Variants in GRIN2B observed in about 807,000 individuals in gnomAD.
The protein encoded by GRIN2B is glutamate ionotropic receptor NMDA type subunit 2B.
In GRIN2B, 5 loss-of-function variants were observed where a neutral mutation model predicts 114.5. That is an observed-to-expected ratio of 0.04 (90% CI 0.02 to 0.09). GRIN2B has a LOEUF of 0.09. Ranked by LOEUF, GRIN2B falls within the 10% of genes least tolerant of loss-of-function variation. GRIN2B has a pLI of 1.00. For synonymous variants in GRIN2B, 787 were observed against 745.1 expected (o/e 1.06, Z -0.92); for missense variants, 1,108 against 1,943.5 (o/e 0.57, Z 8.08).
At chr12:13,739,374 C>CAAAAA (rs34320563) in intron 4 of GRIN2B, among the ~76,000 whole-genome samples, 58 of 59,372 alleles carry the variant, frequency 9.8e-4, no homozygotes, top group Non-Finnish European at 1.2e-3. Context: ...AACTCCGTCT[C>CAAAAA]AAAAAAAAAA....
chr12:13,656,056 G>A (rs2193152), intron 5 of GRIN2B, among the ~76,000 whole-genome samples: 145,507 of 152,224 alleles, frequency 0.96, 69,873 homozygotes, highest in East Asian at 1. Flanking sequence ...TTGCTTCTCT[G>A]CCTGTCAGTT....
At position 13,615,703 on chromosome 12, in the gene GRIN2B, G is replaced by A. The variant is rs776116096; in HGVS notation, c.1329-39C>T. On this transcript the variant is annotated intron_variant, in intron 6 of 13. Transcript: ENST00000609686. This position sits in a 1 kb window ranked among gnomAD's most constrained non-coding sequence, Gnocchi z 5.8. ...GAAACAAAAACAAACAAACAAAAAA[G>A]TCTTTGTACAAAAAGCCAACATTTA... The A allele has an allele frequency of 3.8e-6, 6 of 1,582,514 alleles. No individual in the cohort carries two copies. Among genetic ancestry groups the A allele is most frequent in the East Asian group, 2.2e-5 (1 of 44,746 alleles).
At chr12:13,566,774 C>G (rs1489526341) in intron 13 of GRIN2B, among the ~76,000 whole-genome samples, 1 of 152,194 alleles carries the variant, frequency 6.6e-6, no homozygotes, top group African/African-American at 2.4e-5. Flanking sequence ...ACAGATCTGT[C>G]AGTTCTTACA....
chr12:13,943,582 T>C (rs1867303925), intron 2 of GRIN2B, among the ~76,000 whole-genome samples: 1 of 152,188 alleles, frequency 6.6e-6, no homozygotes, highest in South Asian at 2.1e-4. Context: ...GCCCTAAGCA[T>C]GGCCTCCTTG....
chr12:13,838,489 T>C (rs965800424), intron 3 of GRIN2B, among the ~76,000 whole-genome samples: 1 of 152,208 alleles, frequency 6.6e-6, no homozygotes, highest in African/African-American at 2.4e-5. Context: ...GAATTATCCA[T>C]GCATTGTTTT....
intron 3 of GRIN2B, among the ~76,000 whole-genome samples, chr12:13,819,994 G>C (rs1314414580): frequency 6.6e-6 from 1 of 152,146 alleles, no homozygotes; most frequent in African/African-American, 2.4e-5. Context: ...CTGACCCGAG[G>C]TGGGTCCTAC....
At chr12:13,719,577 G>A (rs1405311939) in intron 4 of GRIN2B, among the ~76,000 whole-genome samples, 1 of 152,026 alleles carries the variant, frequency 6.6e-6, no homozygotes, top group East Asian at 1.9e-4. Flanking sequence ...GACCATCACA[G>A]TACAATGTGC....
chr12:13,760,228 GAGCACC>G (rs1263180923), intron 3 of GRIN2B, among the ~76,000 whole-genome samples: 2 of 152,112 alleles, frequency 1.3e-5, no homozygotes, highest in Non-Finnish European at 2.9e-5. Context: ...AATTAAATGT[GAGCACC>G]AGGAGGGCAG....
chr12:13,604,084 G>A (rs536711586), intron 10 of GRIN2B, among the ~76,000 whole-genome samples: 1 of 152,156 alleles, frequency 6.6e-6, no homozygotes, highest in African/African-American at 2.4e-5. Flanking sequence ...AAATCCATCT[G>A]GATGGGTGAG....
At chr12:13,975,998 G>T (rs1863011857) in intron 2 of GRIN2B, among the ~76,000 whole-genome samples, 1 of 152,140 alleles carries the variant, frequency 6.6e-6, no homozygotes, top group African/African-American at 2.4e-5. Context: ...ACAACTAAAG[G>T]TTCATAAACA....
intron 2 of GRIN2B, among the ~76,000 whole-genome samples, chr12:13,876,442 T>C (rs1304191641): frequency 1.3e-5 from 2 of 152,208 alleles, no homozygotes; most frequent in Non-Finnish European, 2.9e-5. Context: ...AAAGAACTTC[T>C]GCCCTCCCAC....
chr12:13,790,608 T>C (rs1864304384), intron 3 of GRIN2B, among the ~76,000 whole-genome samples: 1 of 152,228 alleles, frequency 6.6e-6, no homozygotes, highest in African/African-American at 2.4e-5. Flanking sequence ...GGTAATTGCA[T>C]TTTATAATAG....
At chr12:13,783,921 C>T (rs1438686970) in intron 3 of GRIN2B, among the ~76,000 whole-genome samples, 1 of 151,814 alleles carries the variant, frequency 6.6e-6, no homozygotes, top group Admixed American at 6.6e-5. Context: ...TGAATGTATA[C>T]CTAATAAAAA....
At chr12:13,787,818 T>C (rs2268126) in intron 3 of GRIN2B, among the ~76,000 whole-genome samples, 36,300 of 152,044 alleles carry the variant, frequency 0.24, 4,624 homozygotes, top group South Asian at 0.38. Flanking sequence ...CAATCCCCAA[T>C]CCATAAATAC....
At chr12:13,671,161 C>T (rs1410403650) in intron 5 of GRIN2B, among the ~76,000 whole-genome samples, 1 of 152,080 alleles carries the variant, frequency 6.6e-6, no homozygotes, top group Admixed American at 6.6e-5. Context: ...TTACCATGTG[C>T]AAATATTACC....
intron 4 of GRIN2B, among the ~76,000 whole-genome samples, chr12:13,725,663 C>T (rs1472244166): frequency 1.3e-5 from 2 of 152,104 alleles, no homozygotes; most frequent in African/African-American, 4.8e-5. Flanking sequence ...TATGGAAAAG[C>T]ATCACAAAAC....
intron 5 of GRIN2B, among the ~76,000 whole-genome samples, chr12:13,654,756 T>G (rs1949846436): frequency 6.6e-6 from 1 of 152,162 alleles, no homozygotes; most frequent in African/African-American, 2.4e-5. Flanking sequence ...ATTGTCCAGA[T>G]AACTCAGGTC....
intron 2 of GRIN2B, among the ~76,000 whole-genome samples, chr12:13,952,549 G>A (rs920985921): frequency 1.1e-4 from 16 of 151,962 alleles, no homozygotes; most frequent in Admixed American, 9.2e-4. Flanking sequence ...GCATTCCTCC[G>A]GTGAGAACCT....
intron 3 of GRIN2B, among the ~76,000 whole-genome samples, chr12:13,781,654 G>T (rs907636011): frequency 1.3e-5 from 2 of 152,126 alleles, no homozygotes; most frequent in Non-Finnish European, 2.9e-5. Flanking sequence ...GCAATCACAT[G>T]AAAAAATTGT....
Sources: gnomAD v4.1 joint callset for allele counts (sites outside exome capture counted in the v4.1 genomes callset) on GRCh38, gnomAD v4.1.1 for gene constraint, Gnocchi (gnomAD v3.1) non-coding constraint, MANE v1.5 for transcripts, NCBI Gene and HGNC (gene_info 2026-07-23, HGNC 2026-07-21) for gene names.